Variants in AHNAK observed in about 807,000 individuals in gnomAD.
AHNAK encodes AHNAK nucleoprotein.
A neutral mutation model predicts 37.8 loss-of-function variants in AHNAK; 23 were observed. The observed-to-expected ratio is 0.61, with a 90% CI of 0.44 to 0.86. The LOEUF is 0.86. Among genes scored for constraint, AHNAK ranks in the 40% least tolerant of loss-of-function variants. The pLI, the probability that AHNAK is intolerant of heterozygous loss-of-function variation, is 0.00. For missense variants in AHNAK, 7,411 were observed against 7,319.4 expected, an observed-to-expected ratio of 1.01 and a Z score of -0.46; for synonymous variants, 2,481 against 2,636.3, an observed-to-expected ratio of 0.94 and a Z score of 1.80.
chr11:62,504,243 C>A (rs1192178354), intron 4 of AHNAK, among the ~76,000 whole-genome samples: 1 of 151,938 alleles, frequency 6.6e-6, no homozygotes, highest in African/African-American at 2.4e-5. Flanking sequence ...AGATATGATT[C>A]AAGAGACACG....
Position 62,518,147 on chromosome 11 carries a change from C to T in AHNAK, c.16270G>A (p.Ala5424Thr). 1 of 1,614,202 alleles carries T rather than the reference C, an allele frequency of 6.2e-7. No homozygotes were observed. The highest frequency in any genetic ancestry group is 8.5e-7 in the Non-Finnish European group (1 of 1,180,024). Residue 5424 changes from alanine (A) to threonine (T), a missense_variant, in exon 5 of 5, where the codon GCC (alanine) becomes ACC (threonine). Coordinates refer to ENST00000378024, the MANE Select transcript of AHNAK (RefSeq NM_001620.3). ...TCGCCAGAAACCTGTGGCCCCTTGG[C>T]ATTGACGTGCAAGTCGGACCCCGGA... is the stretch of plus-strand genomic sequence containing the variant. ...STPGSDLHVN[A>T]KGPQVSGELK...
chr11:62,532,857 A>G lies in AHNAK; in HGVS notation c.1560T>C (p.Val520=), dbSNP rs895780428. The stretch of plus-strand genomic sequence containing the variant: ...CATCACCTTGCACCCCAGGAGCAGA[A>G]ACCTTAATATCTCCTTTCAGTTTAG... The part of the protein sequence containing the change: ...GSPKLKGDIK[V]SAPGVQGDVK... Residue 520 remains valine, a synonymous_variant, in exon 5 of 5, where the codon GTT becomes GTC. Coordinates refer to ENST00000378024, the MANE Select transcript of AHNAK (RefSeq NM_001620.3). The G allele has an allele frequency of 3.1e-6, 5 of 1,613,964 alleles. No individual in the cohort carries two copies. The African/African-American group carries it at 6.7e-5, about 22-fold the overall frequency.
intron 5 of AHNAK, among the ~76,000 whole-genome samples, chr11:62,456,704 C>G (rs1427703364): frequency 6.6e-6 from 1 of 152,178 alleles, no homozygotes; most frequent in Non-Finnish European, 1.5e-5. Flanking sequence ...ACAGCAGAGC[C>G]CTGCCTCCTC....
intron 5 of AHNAK, among the ~76,000 whole-genome samples, chr11:62,490,111 G>C (rs1565212024): frequency 6.6e-6 from 1 of 152,058 alleles, no homozygotes. Context: ...GAATGGAACA[G>C]GCAATGCTTT....
exon 6 of AHNAK, chr11:62,433,877 G>A (rs745753471): frequency 1.2e-6 from 2 of 1,613,790 alleles, no homozygotes; most frequent in Non-Finnish European, 8.5e-7. Context: ...TTTCTTCCTG[G>A]CCGCTTCTAC....
intron 5 of AHNAK, among the ~76,000 whole-genome samples, chr11:62,456,516 A>G (rs1303078490): frequency 6.6e-6 from 1 of 152,176 alleles, no homozygotes; most frequent in Non-Finnish European, 1.5e-5. Context: ...CAGCAGATAC[A>G]TGACTGAGAT....
chr11:62,459,064 A>G (rs1938728612), intron 5 of AHNAK, among the ~76,000 whole-genome samples: 1 of 152,052 alleles, frequency 6.6e-6, no homozygotes, highest in South Asian at 2.1e-4. Flanking sequence ...TACAGGGCAA[A>G]CTGGGATGGC....
chr11:62,475,002 C>A (rs2134856328), intron 5 of AHNAK, among the ~76,000 whole-genome samples: 1 of 152,194 alleles, frequency 6.6e-6, no homozygotes, highest in Non-Finnish European at 1.5e-5. Flanking sequence ...GTCATCAGGG[C>A]ACTTAAAAGG....
chr11:62,498,321 G>C (rs1939650049), intron 4 of AHNAK, among the ~76,000 whole-genome samples: 1 of 152,044 alleles, frequency 6.6e-6, no homozygotes, highest in African/African-American at 2.4e-5. Flanking sequence ...GAAGGAGCAC[G>C]CAAGTGTGTT....
intron 5 of AHNAK, among the ~76,000 whole-genome samples, chr11:62,447,867 G>T (rs1042134082): frequency 6.6e-6 from 1 of 150,998 alleles, no homozygotes; most frequent in African/African-American, 2.4e-5. Flanking sequence ...CACTCTAGTG[G>T]GGGAGAGAAA....
At chr11:62,453,038 T>C (rs1390598213) in intron 5 of AHNAK, among the ~76,000 whole-genome samples, 1 of 151,946 alleles carries the variant, frequency 6.6e-6, no homozygotes, top group Admixed American at 6.6e-5. Flanking sequence ...AAAAGGTGTT[T>C]CAGCAAATTT....
rs1940145501 is a variant in AHNAK at position 62,519,376 on chromosome 11, A to C, written c.15041T>G (p.Val5014Gly). The change falls in exon 5 of 5, where the codon GTT (valine) becomes GGT (glycine). Residue 5014 changes from valine to glycine, a missense_variant. Physicochemically the swap from Val to Gly is moderately radical, Grantham distance 109 (BLOSUM62 -3). Transcript: ENST00000378024. ...CTTACTTTTCTTGCCCTTGCCACCA[A>C]CACTAATTTCAGGAGTCTCAAGGTT... ...ELNLETPEISVGGKGKKSKFK... is the reference protein window; with the variant it reads ...ELNLETPEISGGGKGKKSKFK... The C allele has an allele frequency of 6.2e-7, 1 of 1,614,036 alleles. No individual in the cohort carries two copies. Among genetic ancestry groups the C allele is most frequent in the Non-Finnish European group, 8.5e-7 (1 of 1,179,964 alleles).
chr11:62,476,711 T>C (rs973530324), intron 5 of AHNAK, among the ~76,000 whole-genome samples: 1 of 152,138 alleles, frequency 6.6e-6, no homozygotes, highest in Non-Finnish European at 1.5e-5. Context: ...TCGATCAGAT[T>C]GTGACGTGAG....
In AHNAK at chr11:62,475,500, CTG is replaced by C. The variant is rs369329063; in HGVS notation, c.442+16230_442+16231del. On this transcript the variant is annotated intron_variant, in intron 5 of 5. Coordinates refer to the AHNAK transcript ENST00000257247. ...AACACAAAGAAGGGAGCAACTGACA[CTG>C]AGGTCTATTGGGTTGGTGCAAAAGT... 3.2e-4 allele frequency among the ~76,000 whole-genome samples: 48 copies of C among 151,866 alleles called. No individual in the cohort carries two copies. The East Asian group carries it at 8.9e-3, about 28-fold the overall frequency.
chr11:62,463,333 G>A (rs1040889186), intron 5 of AHNAK, among the ~76,000 whole-genome samples: 11 of 151,998 alleles, frequency 7.2e-5, no homozygotes, highest in Non-Finnish European at 1.6e-4. Flanking sequence ...GCAAACTGGC[G>A]TCACTTTAAA....
intron 5 of AHNAK, among the ~76,000 whole-genome samples, chr11:62,439,264 T>G (rs1938247868): frequency 2.6e-5 from 4 of 151,614 alleles, no homozygotes; most frequent in Admixed American, 1.3e-4. Flanking sequence ...CTAGCTAATT[T>G]TTTTTGTATT....
chr11:62,434,876 T>C (rs1938124140), intron 5 of AHNAK, among the ~76,000 whole-genome samples: 1 of 142,442 alleles, frequency 7.0e-6, no homozygotes, highest in Non-Finnish European at 1.5e-5. Flanking sequence ...GGTTGCACAG[T>C]GATCCAAGAT....
rs1336311842 is a variant in AHNAK, at chr11:62,516,118, C to A, written c.*626G>T. 6 of 1,279,278 alleles carry A rather than the reference C, an allele frequency of 4.7e-6. No homozygotes were observed. Among genetic ancestry groups the A allele is most frequent in the Non-Finnish European group, 6.1e-6 (6 of 982,426 alleles). 79.2% of individuals were successfully genotyped at this position (1,279,278 alleles called of 1,614,324 possible). On this transcript the variant is annotated 3_prime_UTR_variant, in exon 5 of 5. Transcript: ENST00000378024. The stretch of plus-strand genomic sequence containing the variant: ...CCTCATGTTGAGGGGGTGGGTTGGA[C>A]AATTTGCAAACAGATTCTAATTTCC...
At chr11:62,439,011 C>T (rs553974266) in intron 5 of AHNAK, among the ~76,000 whole-genome samples, 4 of 151,448 alleles carry the variant, frequency 2.6e-5, no homozygotes, top group Admixed American at 6.6e-5. Flanking sequence ...CCCACAGGAG[C>T]GGCCCTTAAC....
Sources: gnomAD v4.1 joint callset for allele counts (sites outside exome capture counted in the v4.1 genomes callset) on GRCh38, gnomAD v4.1.1 for gene constraint, MANE v1.5 for transcripts, NCBI Gene and HGNC (gene_info 2026-07-23, HGNC 2026-07-21) for gene names.